Variants in PDE3B observed in about 807,000 individuals in gnomAD.
The protein encoded by PDE3B is phosphodiesterase 3B.
Under a neutral mutation model 116.8 loss-of-function variants are expected in PDE3B, and 66 were observed. The ratio of observed to expected loss-of-function variants is 0.56; its 90% CI spans 0.46 to 0.69. The LOEUF is 0.69. PDE3B is among the 30% of genes least tolerant of loss of function. The pLI is 0.00. For synonymous variants in PDE3B, 595 were observed against 533.6 expected, an observed-to-expected ratio of 1.12 and a Z score of -1.59; for missense variants, 1,384 against 1,368.1, an observed-to-expected ratio of 1.01 and a Z score of -0.18.
chr11:14,890,505 G>T, the PDE3B span: 1 of 469,862 alleles, frequency 2.1e-6, no homozygotes, highest in Non-Finnish European at 2.7e-6. Context: ...TAAACCATTA[G>T]TGACTTTCTA....
At chr11:14,787,776 G>A (rs1239535035) in intron 3 of PDE3B, among the ~76,000 whole-genome samples, 2 of 151,634 alleles carry the variant, frequency 1.3e-5, no homozygotes, top group African/African-American at 4.8e-5. Flanking sequence ...CATTCAGAGG[G>A]CATAGCAATA....
In PDE3B at chr11:14,803,984, C is replaced by G. The variant is rs1414627190; in HGVS notation, c.1456C>G (p.Leu486Val). Residue 486 changes from leucine to valine, a missense_variant, in exon 5 of 16, where the codon CTG becomes GTG. Physicochemically the swap from Leu to Val is conservative, Grantham distance 32. Transcript: ENST00000282096. ...YLNGPFNSNL[L>V]TIPKQRSSSV... ...AAATGGGCCTTTTAATTCAAATCTA[C>G]TGACTATCCCGAAGCAAAGGTCATC... 3 of 1,611,134 alleles carry G rather than the reference C, an allele frequency of 1.9e-6. No homozygotes were observed. In the South Asian group the frequency reaches 3.3e-5, roughly 18 times the overall value.
chr11:14,864,762 C>T (rs935239791), intron 14 of PDE3B, among the ~76,000 whole-genome samples: 16 of 152,084 alleles, frequency 1.1e-4, no homozygotes, highest in Non-Finnish European at 2.2e-4. Context: ...TCCTGAATGA[C>T]TACCAGGTAA....
the PDE3B span, among the ~76,000 whole-genome samples, chr11:14,877,126 G>A: frequency 6.6e-6 from 1 of 152,098 alleles, no homozygotes; most frequent in South Asian, 2.1e-4. Context: ...AAATGATGAT[G>A]TAAAAATAGC....
At chr11:14,686,269 A>G (rs926386722) in intron 1 of PDE3B, among the ~76,000 whole-genome samples, 5 of 152,202 alleles carry the variant, frequency 3.3e-5, no homozygotes, top group Non-Finnish European at 7.3e-5. Flanking sequence ...ATCTGAGTCT[A>G]TATTTTCAAC....
At chr11:14,713,237 A>G (rs1855761399) in intron 1 of PDE3B, among the ~76,000 whole-genome samples, 1 of 152,170 alleles carries the variant, frequency 6.6e-6, no homozygotes, top group Non-Finnish European at 1.5e-5. Flanking sequence ...CCTTGTGCTG[A>G]GTATCAACTA....
intron 12 of PDE3B, among the ~76,000 whole-genome samples, chr11:14,850,918 C>T (rs1359789865): frequency 6.6e-6 from 1 of 151,996 alleles, no homozygotes; most frequent in Non-Finnish European, 1.5e-5. Context: ...AAGCTCCGCC[C>T]CCCAGGTTCA....
intron 7 of PDE3B, among the ~76,000 whole-genome samples, chr11:14,822,375 A>G (rs1377746981): frequency 1.3e-5 from 2 of 152,248 alleles, no homozygotes; most frequent in Non-Finnish European, 2.9e-5. Context: ...AGGGGTGAGT[A>G]CATACAGCAC....
chr11:14,672,609 T>TCA (rs1023322600), intron 1 of PDE3B, among the ~76,000 whole-genome samples: 2 of 152,108 alleles, frequency 1.3e-5, no homozygotes, highest in Non-Finnish European at 2.9e-5. Context: ...TAACAACAGG[T>TCA]CACACATTCA....
At position 14,843,990 on chromosome 11, in the gene PDE3B, G is replaced by A. The variant is rs1207209102; in HGVS notation, c.2484G>A (p.Arg828=). The A allele has an allele frequency of 2.5e-6, 4 of 1,613,946 alleles. No homozygotes were observed. The Admixed American group carries it at 5.0e-5, about 20-fold the overall frequency. Residue 828 remains arginine (R), a synonymous_variant, in exon 12 of 16, where the codon AGG becomes AGA. Coordinates refer to ENST00000282096, the MANE Select transcript of PDE3B (RefSeq NM_000922.4). The part of the protein sequence containing the change: ...AAMHDYDHPG[R]TNAFLVATNA... ...TGCATGATTATGATCACCCAGGGAG[G>A]ACAAATGCATTTCTAGTGGCTACAA...
At chr11:14,732,783 C>T (rs1385851858) in intron 1 of PDE3B, among the ~76,000 whole-genome samples, 1 of 152,046 alleles carries the variant, frequency 6.6e-6, no homozygotes, top group Admixed American at 6.6e-5. Context: ...ATTTTCAGCC[C>T]GTGTTTGGTT....
Position 14,687,005 on chromosome 11 carries a change from G to A in PDE3B, c.978+41952G>A, listed in dbSNP as rs143453375. 4.1e-4 allele frequency among the ~76,000 whole-genome samples: 63 copies of A among 152,220 alleles called. No homozygotes were observed. The East Asian group carries it at 9.9e-3, about 24-fold the overall frequency. On this transcript the variant is annotated intron_variant, in intron 1 of 15. Transcript: ENST00000282096. The stretch of plus-strand genomic sequence containing the variant: ...TGGGATTACAGGCGTGAGCCACCAC[G>A]CCTGGCCATTCTTTTATTAAAATAT...
At chr11:14,772,098 C>G in intron 2 of PDE3B, 111 bp downstream of exon 2, 1 of 544,314 alleles carries the variant, frequency 1.8e-6, no homozygotes, top group Non-Finnish European at 3.3e-6. Context: ...TATTTCTGTG[C>G]CATAAGATTT....
chr11:14,727,196 C>T (rs557253766), intron 1 of PDE3B, among the ~76,000 whole-genome samples: 2 of 151,928 alleles, frequency 1.3e-5, no homozygotes, highest in African/African-American at 4.8e-5. Context: ...CTGATTTTAC[C>T]GTATTATATA....
intron 1 of PDE3B, among the ~76,000 whole-genome samples, chr11:14,752,985 T>C (rs999291661): frequency 1.3e-5 from 2 of 152,138 alleles, no homozygotes; most frequent in Non-Finnish European, 2.9e-5. Flanking sequence ...GCTAAACTGA[T>C]AAACTACTTA....
Position 14,699,904 on chromosome 11 carries a change from A to G in PDE3B, c.978+54851A>G, listed in dbSNP as rs113034381. ...TAGAAACTTTTTCGAGAGCTCAGTT[A>G]ATCCTTCTGGGACTTTTGAAATTGC... is the stretch of plus-strand genomic sequence containing the variant. On this transcript the variant is annotated intron_variant, in intron 1 of 15. Transcript: ENST00000282096. 5.8e-3 allele frequency among the ~76,000 whole-genome samples: 879 copies of G among 151,900 alleles called. 10 individuals are homozygous for G. Among genetic ancestry groups the G allele is most frequent in the African/African-American group, 0.02 (851 of 41,536 alleles).
Position 14,644,098 on chromosome 11 carries a change from C to T in PDE3B, c.23C>T (p.Ala8Val), listed in dbSNP as rs1414441818. The change falls in exon 1 of 16, where the codon GCC (alanine) becomes GTC (valine). Residue 8 changes from alanine to valine, a missense_variant. By Grantham distance (64) the Ala-to-Val change is moderately conservative. Around this residue, in one of 2 missense-constraint regions of PDE3B, gnomAD observed 956 missense variants for 806.8 expected, o/e 1.18. Transcript: ENST00000282096. ...GCCATGAGGAGGGACGAGCGAGACG[C>T]CAAAGCCATGCGGTCCCTGCAGCCG... MRRDERD[A>V]KAMRSLQPPD... 6.4e-7 allele frequency: 1 copy of T among 1,566,126 alleles called. No homozygotes were observed. The highest frequency in any genetic ancestry group is 8.6e-7 in the Non-Finnish European group (1 of 1,166,218).
chr11:14,737,049 A>G (rs1388924785), intron 1 of PDE3B, among the ~76,000 whole-genome samples: 1 of 152,216 alleles, frequency 6.6e-6, no homozygotes, highest in Non-Finnish European at 1.5e-5. Context: ...TATCTTTAAA[A>G]TGAAAATAAA....
At chr11:14,858,003 T>C (rs143622637) in intron 12 of PDE3B, among the ~76,000 whole-genome samples, 1 of 152,340 alleles carries the variant, frequency 6.6e-6, no homozygotes, top group African/African-American at 2.4e-5. Flanking sequence ...TGCCTTTATA[T>C]GGCTCATTGC....
Sources: allele counts gnomAD v4.1 joint callset (sites outside exome capture counted in the v4.1 genomes callset), GRCh38; gene constraint gnomAD v4.1.1; regional missense constraint gnomAD v4.1.1; transcripts MANE v1.5; gene names NCBI Gene and HGNC (gene_info 2026-07-23, HGNC 2026-07-21).